The following KLRG1 variants were observed in gnomAD, a reference collection of about 807,000 sequenced individuals.
KLRG1 encodes the protein killer cell lectin like receptor G1.
KLRG1 carries 16 observed loss-of-function variants against 21.8 expected under a neutral mutation model. That is an observed-to-expected ratio of 0.73 (90% CI 0.50 to 1.11). The LOEUF (loss-of-function observed/expected upper bound fraction) is 1.11. Ranked by LOEUF, KLRG1 falls within the 50% of genes most tolerant of loss-of-function variation. KLRG1 has a pLI of 0.00. For missense variants in KLRG1, 173 were observed against 218.3 expected (o/e 0.79, Z 1.31); for synonymous variants, 69 against 75.9 (o/e 0.91, Z 0.47).
the KLRG1 span, among the ~76,000 whole-genome samples, chr12:9,032,804 C>G: frequency 1.3e-5 from 2 of 152,112 alleles, no homozygotes; most frequent in Non-Finnish European, 2.9e-5. Flanking sequence ...ACTCATGAGT[C>G]AATCAGTCCT....
At chr12:9,035,289 C>A in the KLRG1 span, among the ~76,000 whole-genome samples, 2 of 152,032 alleles carry the variant, frequency 1.3e-5, no homozygotes, top group Non-Finnish European at 2.9e-5. Context: ...GAGTTCATGT[C>A]CTTTGCAGGG....
chr12:9,200,169 G>C, the KLRG1 span, among the ~76,000 whole-genome samples: 2 of 152,088 alleles, frequency 1.3e-5, 1 homozygote, highest in Admixed American at 1.3e-4. Flanking sequence ...GATGTTTATT[G>C]TTAAATCATA....
At chr12:9,093,786 C>T in the KLRG1 span, among the ~76,000 whole-genome samples, 1 of 149,366 alleles carries the variant, frequency 6.7e-6, no homozygotes, top group Non-Finnish European at 1.5e-5. Context: ...AGAGGCCGGG[C>T]GCGGTGGCTC....
At chr12:9,168,828 G>T in the KLRG1 span, 1 of 1,456,578 alleles carries the variant, frequency 6.9e-7, no homozygotes, top group Non-Finnish European at 9.6e-7. Context: ...TAGTAATATT[G>T]TTGGACATGA....
At chr12:9,095,200 C>A in the KLRG1 span, 2 of 555,428 alleles carry the variant, frequency 3.6e-6, no homozygotes, top group Non-Finnish European at 6.0e-6. Context: ...AAACTTTTAA[C>A]ATTCACATCT....
At chr12:8,962,697 CAG>C in intron 1 of KLRG1, among the ~76,000 whole-genome samples, 1 of 142,022 alleles carries the variant, frequency 7.0e-6, no homozygotes, top group Non-Finnish European at 1.5e-5. Flanking sequence ...GCCTGGGTGA[CAG>C]AGCCAGACCC....
downstream of KLRG1, among the ~76,000 whole-genome samples, chr12:9,014,236 A>T (rs1288155632): frequency 2.0e-5 from 3 of 152,210 alleles, no homozygotes; most frequent in Non-Finnish European, 4.4e-5. Context: ...AACCTAGAGA[A>T]GAATATCACT....
At chr12:9,141,123 C>T in the KLRG1 span, among the ~76,000 whole-genome samples, 2 of 152,186 alleles carry the variant, frequency 1.3e-5, no homozygotes, top group South Asian at 2.1e-4. Context: ...TATCTGTTAC[C>T]TTTGTGGCAT....
At chr12:8,998,881 C>T (rs150047537) in intron 3 of KLRG1, among the ~76,000 whole-genome samples, 49 of 151,946 alleles carry the variant, frequency 3.2e-4, no homozygotes, top group Non-Finnish European at 5.4e-4. Context: ...ATTGTATGAC[C>T]GTGGATATTT....
chr12:9,046,049 A>G, the KLRG1 span, among the ~76,000 whole-genome samples: 9 of 152,314 alleles, frequency 5.9e-5, no homozygotes, highest in Non-Finnish European at 1.0e-4. Flanking sequence ...GTGGGAGAGC[A>G]TCAGGAAAAA....
chr12:9,039,465 A>T, the KLRG1 span, among the ~76,000 whole-genome samples: 103 of 142,644 alleles, frequency 7.2e-4, no homozygotes, highest in African/African-American at 2.5e-3. Context: ...ATGCTTTTTT[A>T]AAAAACTTTT....
At chr12:8,977,723 G>A (rs781703069) in intron 1 of KLRG1, among the ~76,000 whole-genome samples, 39 of 151,640 alleles carry the variant, frequency 2.6e-4, no homozygotes, top group Non-Finnish European at 4.4e-4. Context: ...ATTCTTTTCT[G>A]TAACACTTAG....
At chr12:9,077,837 T>G in the KLRG1 span, 1 of 1,614,110 alleles carries the variant, frequency 6.2e-7, no homozygotes, top group Non-Finnish European at 8.5e-7. Context: ...GGCAAAAGTC[T>G]TCAGAACAAA....
At chr12:9,000,453 G>A (rs1244209999) in intron 3 of KLRG1, among the ~76,000 whole-genome samples, 1 of 152,116 alleles carries the variant, frequency 6.6e-6, no homozygotes, top group Non-Finnish European at 1.5e-5. Flanking sequence ...ATTTTCAAGT[G>A]TACAATTGAG....
At chr12:9,126,278 T>C in the KLRG1 span, among the ~76,000 whole-genome samples, 1 of 152,260 alleles carries the variant, frequency 6.6e-6, no homozygotes, top group African/African-American at 2.4e-5. Flanking sequence ...GCATTTTTAC[T>C]ATAACTCATT....
the KLRG1 span, among the ~76,000 whole-genome samples, chr12:9,172,098 C>A: frequency 6.6e-6 from 1 of 152,116 alleles, no homozygotes; most frequent in African/African-American, 2.4e-5. Flanking sequence ...GAGAGAAAGG[C>A]CAAGTCACCT....
chr12:8,973,163 G>GAAAAAAAAA (rs59760555), intron 1 of KLRG1, among the ~76,000 whole-genome samples: 1 of 97,034 alleles, frequency 1.0e-5, no homozygotes, highest in Non-Finnish European at 2.0e-5. Context: ...CATCTCAAAA[G>GAAAAAAAAA]AAAAAAAAAA....
At chr12:9,041,010 A>G in the KLRG1 span, among the ~76,000 whole-genome samples, 1 of 152,214 alleles carries the variant, frequency 6.6e-6, no homozygotes, top group Non-Finnish European at 1.5e-5. Flanking sequence ...GATGCACATC[A>G]CTGCGTATCT....
chr12:9,051,690 A>C, the KLRG1 span, among the ~76,000 whole-genome samples: 2,449 of 152,316 alleles, frequency 0.016, 66 homozygotes, highest in African/African-American at 0.056. Context: ...CTTATAAAAT[A>C]ACATGAAAAC....
Sources: gnomAD v4.1 joint callset for allele counts (sites outside exome capture counted in the v4.1 genomes callset) on GRCh38, gnomAD v4.1.1 for gene constraint, MANE v1.5 for transcripts, NCBI Gene and HGNC (gene_info 2026-07-23, HGNC 2026-07-21) for gene names.